Variants in IP6K1 observed in about 807,000 individuals in gnomAD.
IP6K1 encodes the protein inositol hexakisphosphate kinase 1.
In IP6K1, 13 loss-of-function variants were observed where a neutral mutation model predicts 38.3. That is an observed-to-expected ratio of 0.34 (90% CI 0.22 to 0.54). The LOEUF is 0.54. IP6K1 is among the 20% of genes least tolerant of loss of function. The pLI, the probability that IP6K1 is intolerant of heterozygous loss-of-function variation, is 0.92. For synonymous variants in IP6K1, 212 were observed against 229.9 expected, an observed-to-expected ratio of 0.92 and a Z score of 0.70; for missense variants, 397 against 599.8, an observed-to-expected ratio of 0.66 and a Z score of 3.53.
At chr3:49,753,899 G>T (rs2080799850) in intron 1 of IP6K1, among the ~76,000 whole-genome samples, 1 of 152,072 alleles carries the variant, frequency 6.6e-6, no homozygotes, top group African/African-American at 2.4e-5. Context: ...AGGAAAAATA[G>T]GTTTAAATGC....
At chr3:49,762,265 C>T (rs775037332) in intron 1 of IP6K1, among the ~76,000 whole-genome samples, 9 of 152,020 alleles carry the variant, frequency 5.9e-5, no homozygotes, top group Non-Finnish European at 7.4e-5. Context: ...AAGAACAGGC[C>T]GGGTGTGGTG....
intron 1 of IP6K1, among the ~76,000 whole-genome samples, chr3:49,772,410 TTC>T (rs2080968828): frequency 6.6e-6 from 1 of 151,188 alleles, no homozygotes; most frequent in Non-Finnish European, 1.5e-5. Context: ...TTCTAGAGCG[TTC>T]TCTTTTTTGA....
chr3:49,751,667 G>T (rs920216568), intron 1 of IP6K1, among the ~76,000 whole-genome samples: 1 of 152,162 alleles, frequency 6.6e-6, no homozygotes, highest in African/African-American at 2.4e-5. Flanking sequence ...AGGTTATGGG[G>T]TTCCATTGCT....
chr3:49,753,660 T>C (rs1451500847), intron 1 of IP6K1, among the ~76,000 whole-genome samples: 3 of 152,166 alleles, frequency 2.0e-5, no homozygotes, highest in Non-Finnish European at 4.4e-5. Flanking sequence ...GGTAAATATA[T>C]AACATATGAA....
chr3:49,739,735 C>A (rs1424243427), intron 2 of IP6K1, among the ~76,000 whole-genome samples: 1 of 152,022 alleles, frequency 6.6e-6, no homozygotes, highest in South Asian at 2.1e-4. Context: ...CTCACTACAA[C>A]CTCGAACTCC....
chr3:49,729,733 TTTA>T (rs2080547204), intron 4 of IP6K1, among the ~76,000 whole-genome samples: 2 of 151,248 alleles, frequency 1.3e-5, no homozygotes, highest in Non-Finnish European at 2.9e-5. Flanking sequence ...ATTTTTATTT[TTTA>T]TTATTTTTTT....
At chr3:49,772,763 C>A (rs2080970935) in intron 1 of IP6K1, among the ~76,000 whole-genome samples, 1 of 138,902 alleles carries the variant, frequency 7.2e-6, no homozygotes, top group Non-Finnish European at 1.6e-5. Context: ...GTTAATAATT[C>A]TTTTTTTTTT....
chr3:49,777,929 A>C (rs2081032433), intron 1 of IP6K1, among the ~76,000 whole-genome samples: 1 of 152,044 alleles, frequency 6.6e-6, no homozygotes, highest in South Asian at 2.1e-4. Flanking sequence ...AACAAACAAA[A>C]AAAACAATGA....
At chr3:49,780,021 C>T (rs1016120999) in intron 1 of IP6K1, among the ~76,000 whole-genome samples, 6 of 152,176 alleles carry the variant, frequency 3.9e-5, no homozygotes, top group Admixed American at 1.3e-4. Flanking sequence ...ATAAGATGCT[C>T]TTATTCATCA....
At chr3:49,758,336 AG>A (rs1392390561) in intron 1 of IP6K1, 5 of 150,452 alleles carry the variant, frequency 3.3e-5, no homozygotes, top group African/African-American at 1.2e-4. Flanking sequence ...AAAAAAAAAA[AG>A]GTTACTAGCT....
At chr3:49,786,041 G>C (rs1255321253) in intron 1 of IP6K1, 2 of 152,322 alleles carry the variant, frequency 1.3e-5, no homozygotes, top group Non-Finnish European at 2.9e-5. Flanking sequence ...GAGAGCATCA[G>C]GGTGGCACCG....
intron 1 of IP6K1, among the ~76,000 whole-genome samples, chr3:49,774,407 C>CAAAAAAAA (rs777187857): frequency 2.0e-4 from 9 of 44,248 alleles, no homozygotes; most frequent in African/African-American, 3.4e-4. Context: ...GACTCCATCT[C>CAAAAAAAA]AAAAAAAAAA....
chr3:49,762,942 G>A (rs903165996), intron 1 of IP6K1, among the ~76,000 whole-genome samples: 8 of 151,608 alleles, frequency 5.3e-5, no homozygotes, highest in Admixed American at 3.3e-4. Context: ...CAGCTAATTT[G>A]TGTATTTTTA....
chr3:49,766,507 T>C (rs1200335767), intron 1 of IP6K1, among the ~76,000 whole-genome samples: 1 of 148,522 alleles, frequency 6.7e-6, no homozygotes, highest in Non-Finnish European at 1.5e-5. Flanking sequence ...CTACTAAAAA[T>C]TAAAACATCA....
intron 1 of IP6K1, among the ~76,000 whole-genome samples, chr3:49,778,687 CCAACCA>C (rs2108264222): frequency 6.6e-6 from 1 of 152,162 alleles, no homozygotes; most frequent in South Asian, 2.1e-4. Context: ...GTGCAGTGGC[CCAACCA>C]CAGCTCACTG....
chr3:49,785,829 G>C (rs996982516), intron 1 of IP6K1: 1 of 152,238 alleles, frequency 6.6e-6, no homozygotes, highest in Non-Finnish European at 1.5e-5. Context: ...GTGAGGTTCC[G>C]AACGGGTCTC....
Position 49,772,398 on chromosome 3 carries a change from T to C in IP6K1, c.-129+13956A>G, listed in dbSNP as rs1010082106. On this transcript the variant is annotated intron_variant, in intron 1 of 5. Coordinates refer to ENST00000321599, the MANE Select transcript of IP6K1 (RefSeq NM_153273.4). ...TATATATACATATATTGTCTTCTTA[T>C]ATTCTAGAGCGTTCTCTTTTTTGAG... Among the ~76,000 whole-genome samples, 4 of 150,584 alleles carry C rather than the reference T, an allele frequency of 2.7e-5. No individual in the cohort carries two copies. The Admixed American group carries it at 2.7e-4, about 10-fold the overall frequency.
intron 1 of IP6K1, among the ~76,000 whole-genome samples, 184 bp from the exon 2 acceptor site, chr3:49,748,352 G>C (rs1349532030): frequency 1.3e-5 from 2 of 152,098 alleles, no homozygotes; most frequent in Admixed American, 1.3e-4. Context: ...TGCAACCTTG[G>C]CCTCTTCCAT....
chr3:49,772,608 G>T (rs2080970027), intron 1 of IP6K1, among the ~76,000 whole-genome samples: 1 of 151,702 alleles, frequency 6.6e-6, no homozygotes, highest in Admixed American at 6.6e-5. Flanking sequence ...TCACCATGTT[G>T]CCCAGGCTGG....
Sources: allele counts gnomAD v4.1 joint callset (sites outside exome capture counted in the v4.1 genomes callset), GRCh38; gene constraint gnomAD v4.1.1; transcripts MANE v1.5; gene names NCBI Gene and HGNC (gene_info 2026-07-23, HGNC 2026-07-21).